The following SDK1 variants were observed in gnomAD, a reference collection of about 807,000 sequenced individuals.
SDK1 encodes the protein protein sidekick-1.
In SDK1, 157 loss-of-function variants were observed where a neutral mutation model predicts 245.5. The observed-to-expected ratio is 0.64, with a 90% CI of 0.56 to 0.73. The LOEUF (loss-of-function observed/expected upper bound fraction) is 0.73, where lower values mean the gene tolerates loss of function less well. Ranked by LOEUF, SDK1 falls within the 30% of genes least tolerant of loss-of-function variation. SDK1 has a pLI of 0.00. For synonymous variants in SDK1, 1,647 were observed against 1,278.5 expected (o/e 1.29, Z -6.15); for missense variants, 3,583 against 3,002.3 (o/e 1.19, Z -4.52).
rs1003248888 is a variant in SDK1 at position 3,518,784 on chromosome 7, C to G, written c.299-100296C>G. Among the ~76,000 whole-genome samples, 61 of 152,020 alleles carry G rather than the reference C, an allele frequency of 4.0e-4. 1 individual carries two copies. Among genetic ancestry groups the G allele is most frequent in the Non-Finnish European group, 8.5e-4 (58 of 67,966 alleles). On this transcript the variant is annotated intron_variant, in intron 1 of 44. Coordinates refer to ENST00000404826, the MANE Select transcript of SDK1 (RefSeq NM_152744.4). ...GCAGAGTGGAAGCTCCTCCAGCAAT[C>G]CCACTACTGGGCATTTATCCAGAGG...
intron 4 of SDK1, among the ~76,000 whole-genome samples, chr7:3,683,904 C>G (rs1429615227): frequency 6.6e-6 from 1 of 152,160 alleles, no homozygotes; most frequent in Non-Finnish European, 1.5e-5. Context: ...GGCCTAGTAA[C>G]AAAAAATGTG....
intron 1 of SDK1, among the ~76,000 whole-genome samples, chr7:3,435,870 C>G (rs909344212): frequency 4.1e-4 from 63 of 152,186 alleles, no homozygotes; most frequent in African/African-American, 1.5e-3. Context: ...CAGCCCTAAC[C>G]TCTCCAGTGA....
At chr7:3,906,838 T>G (rs1778961431) in intron 5 of SDK1, among the ~76,000 whole-genome samples, 1 of 152,048 alleles carries the variant, frequency 6.6e-6, no homozygotes, top group South Asian at 2.1e-4. Context: ...CCATGTTGCC[T>G]AGGCTGGTCG....
intron 1 of SDK1, among the ~76,000 whole-genome samples, chr7:3,520,820 A>G (rs750626051): frequency 6.6e-6 from 1 of 152,112 alleles, no homozygotes; most frequent in Non-Finnish European, 1.5e-5. Flanking sequence ...TTTTTATTAG[A>G]CCTTGCACAG....
chr7:3,929,616 G>A (rs1779903161), intron 5 of SDK1, among the ~76,000 whole-genome samples: 1 of 152,186 alleles, frequency 6.6e-6, no homozygotes, highest in Non-Finnish European at 1.5e-5. Flanking sequence ...GTTGATTGAA[G>A]TGTTATCTTT....
At chr7:3,741,505 T>C (rs1779473239) in intron 4 of SDK1, among the ~76,000 whole-genome samples, 1 of 152,238 alleles carries the variant, frequency 6.6e-6, no homozygotes, top group Admixed American at 6.5e-5. Context: ...AACTGTTGTG[T>C]ATGTATTTTA....
At chr7:3,631,571 G>A (rs1338634534) in intron 2 of SDK1, among the ~76,000 whole-genome samples, 1 of 152,168 alleles carries the variant, frequency 6.6e-6, no homozygotes, top group African/African-American at 2.4e-5. Context: ...TAATATTAAT[G>A]CGGTGTGACC....
intron 4 of SDK1, among the ~76,000 whole-genome samples, chr7:3,677,171 G>A (rs1158902077): frequency 2.0e-5 from 3 of 152,080 alleles, no homozygotes; most frequent in Admixed American, 1.3e-4. Flanking sequence ...CTCTCCCACA[G>A]GGATTCTGCT....
In SDK1 at chr7:4,221,440, C is replaced by T. The variant is rs1382732947; in HGVS notation, c.5827+76C>T. On this transcript the variant is annotated intron_variant, in intron 40 of 44. Coordinates refer to ENST00000404826, the MANE Select transcript of SDK1 (RefSeq NM_152744.4). ...CTTCTAAGACTGTGTCGGGGGCTTCCATCACTTTCTCTTTCAGCATTTTCC... is the reference window on the plus strand; with the variant it reads ...CTTCTAAGACTGTGTCGGGGGCTTCTATCACTTTCTCTTTCAGCATTTTCC... The T allele has an allele frequency of 2.0e-6, 3 of 1,483,864 alleles. No individual in the cohort carries two copies. The South Asian group carries it at 3.8e-5, about 19-fold the overall frequency. 91.9% of individuals were successfully genotyped at this position (1,483,864 alleles called of 1,614,324 possible).
intron 1 of SDK1, among the ~76,000 whole-genome samples, chr7:3,505,817 C>T (rs778541304): frequency 1.3e-5 from 2 of 152,264 alleles, no homozygotes; most frequent in East Asian, 1.9e-4. Flanking sequence ...AACTGCAGGA[C>T]TTGAGTATGC....
chr7:3,502,384 G>C (rs1488810057), intron 1 of SDK1, among the ~76,000 whole-genome samples: 3 of 152,016 alleles, frequency 2.0e-5, no homozygotes, highest in African/African-American at 7.2e-5. Flanking sequence ...CGAGTAGGTG[G>C]GATTACAGGT....
At chr7:3,572,677 G>T (rs1388011672) in intron 1 of SDK1, among the ~76,000 whole-genome samples, 2 of 152,028 alleles carry the variant, frequency 1.3e-5, no homozygotes, top group African/African-American at 2.4e-5. Context: ...TTTGTCAAGT[G>T]CCTGTAATGT....
intron 5 of SDK1, among the ~76,000 whole-genome samples, chr7:3,920,887 C>A (rs940293471): frequency 3.9e-5 from 6 of 152,160 alleles, no homozygotes; most frequent in Non-Finnish European, 8.8e-5. Context: ...CGTTTGGTAA[C>A]AACTGGAGCC....
At chr7:4,252,215 A>T (rs1324949866) in intron 44 of SDK1, among the ~76,000 whole-genome samples, 1 of 41,526 alleles carries the variant, frequency 2.4e-5, no homozygotes, top group African/African-American at 8.8e-5. Flanking sequence ...ACCTCCCCCC[A>T]CCCCACAACA....
intron 1 of SDK1, among the ~76,000 whole-genome samples, chr7:3,611,378 T>C (rs1225072688): frequency 6.6e-6 from 1 of 152,174 alleles, no homozygotes; most frequent in Non-Finnish European, 1.5e-5. Flanking sequence ...CTTCCTCCTC[T>C]TGCACCGCCG....
chr7:3,659,647 G>T (rs1489244940), intron 4 of SDK1, among the ~76,000 whole-genome samples: 3 of 152,184 alleles, frequency 2.0e-5, no homozygotes, highest in Non-Finnish European at 4.4e-5. Context: ...ACGTGTAGTG[G>T]GGTGGATTTA....
intron 14 of SDK1, among the ~76,000 whole-genome samples, chr7:3,992,122 C>T (rs1036640654): frequency 6.6e-6 from 1 of 152,172 alleles, no homozygotes; most frequent in Non-Finnish European, 1.5e-5. Context: ...TCCTGGAAGC[C>T]GGGGATCCTG....
chr7:3,690,734 T>G, intron 4 of SDK1, among the ~76,000 whole-genome samples: 1 of 152,218 alleles, frequency 6.6e-6, no homozygotes, highest in Admixed American at 6.5e-5. Context: ...TGATATATTT[T>G]TCAAGTTGAT....
intron 1 of SDK1, among the ~76,000 whole-genome samples, chr7:3,434,304 G>A (rs1779955589): frequency 6.6e-6 from 1 of 152,120 alleles, no homozygotes; most frequent in South Asian, 2.1e-4. Context: ...CTTTCATCAG[G>A]AGCCTGTAAG....
Sources: allele counts gnomAD v4.1 joint callset (sites outside exome capture counted in the v4.1 genomes callset), GRCh38; gene constraint gnomAD v4.1.1; transcripts MANE v1.5; gene names NCBI Gene and HGNC (gene_info 2026-07-23, HGNC 2026-07-21).